HMGA2: variants seen among roughly 807,000 people sequenced by gnomAD.
HMGA2 encodes high mobility group protein HMGI-C.
Under a neutral mutation model 19.1 loss-of-function variants are expected in HMGA2, and 8 were observed. That is an observed-to-expected ratio of 0.42 (90% confidence interval 0.25 to 0.76). The LOEUF is 0.76. HMGA2 is among the 30% of genes least tolerant of loss of function. HMGA2 has a pLI of 0.28. For synonymous variants in HMGA2, 60 were observed against 48.8 expected, an observed-to-expected ratio of 1.23 and a Z score of -0.96; for missense variants, 109 against 136.3, an observed-to-expected ratio of 0.80 and a Z score of 1.00.
intron 3 of HMGA2, among the ~76,000 whole-genome samples, chr12:65,902,813 C>T (rs2121181217): frequency 6.6e-6 from 1 of 152,318 alleles, no homozygotes; most frequent in South Asian, 2.1e-4. Flanking sequence ...AATTGTGAAA[C>T]TCACGGTGTG....
chr12:65,835,074 CAATA>C (rs1870655876), intron 2 of HMGA2, among the ~76,000 whole-genome samples: 2 of 152,104 alleles, frequency 1.3e-5, no homozygotes, highest in African/African-American at 4.8e-5. Flanking sequence ...TTGATGTGAG[CAATA>C]AATAGTGAGA....
chr12:65,846,618 T>C (rs1014665437), intron 3 of HMGA2, among the ~76,000 whole-genome samples: 8 of 152,256 alleles, frequency 5.3e-5, no homozygotes, highest in African/African-American at 1.9e-4. Context: ...CGGAGGCTAC[T>C]GAAACACTTT....
At chr12:65,852,427 C>T (rs532822536) in intron 3 of HMGA2, among the ~76,000 whole-genome samples, 2 of 152,164 alleles carry the variant, frequency 1.3e-5, no homozygotes, top group African/African-American at 4.8e-5. Context: ...CTCTTGAACT[C>T]GGGAGGTGGA....
chr12:65,872,109 T>C (rs924910626), intron 3 of HMGA2, among the ~76,000 whole-genome samples: 2 of 152,156 alleles, frequency 1.3e-5, no homozygotes, highest in African/African-American at 4.8e-5. Flanking sequence ...CGGAGCCTAG[T>C]GTGACTTGGC....
intron 3 of HMGA2, among the ~76,000 whole-genome samples, chr12:65,926,164 G>A (rs919521549): frequency 9.9e-5 from 15 of 152,210 alleles, no homozygotes; most frequent in Non-Finnish European, 1.0e-4. Flanking sequence ...TATTAGGGAA[G>A]CTCGGATTTT....
At chr12:65,934,215 A>C (rs923052272) in intron 3 of HMGA2, among the ~76,000 whole-genome samples, 2 of 152,218 alleles carry the variant, frequency 1.3e-5, no homozygotes, top group Non-Finnish European at 2.9e-5. Context: ...AGTAATTGTG[A>C]ATTTATACAG....
At chr12:65,891,051 A>G (rs1037661089) in intron 3 of HMGA2, among the ~76,000 whole-genome samples, 27 of 152,154 alleles carry the variant, frequency 1.8e-4, no homozygotes, top group Middle Eastern at 3.4e-3. Flanking sequence ...ATATATTCGT[A>G]TATGTGAATT....
At chr12:65,873,010 C>T (rs1872785649) in intron 3 of HMGA2, among the ~76,000 whole-genome samples, 1 of 152,156 alleles carries the variant, frequency 6.6e-6, no homozygotes, top group African/African-American at 2.4e-5. Context: ...ACCTTTACTT[C>T]CATTTGGACC....
chr12:65,905,881 CTAAATA>C (rs1377151587), intron 3 of HMGA2, among the ~76,000 whole-genome samples: 1 of 152,054 alleles, frequency 6.6e-6, no homozygotes, highest in Non-Finnish European at 1.5e-5. Context: ...ATTTTAAAAG[CTAAATA>C]TAGAGTCTCA....
At chr12:65,898,105 G>A (rs1592430363) in intron 3 of HMGA2, among the ~76,000 whole-genome samples, 1 of 152,204 alleles carries the variant, frequency 6.6e-6, no homozygotes, top group East Asian at 1.9e-4. Flanking sequence ...TTTAATATGA[G>A]TTTCAGCCTC....
At chr12:65,953,976 C>A (rs1197840019) in intron 4 of HMGA2, 1 of 152,172 alleles carries the variant, frequency 6.6e-6, no homozygotes, top group Non-Finnish European at 1.5e-5. Flanking sequence ...CATTCAGAAT[C>A]GCTTTTGAGG....
chr12:65,825,146 G>C lies in HMGA2; in HGVS notation c.-125G>C. On this transcript the variant is annotated 5_prime_UTR_variant, in exon 1 of 5. Transcript: ENST00000403681. This position sits in a 1 kb window ranked among gnomAD's most constrained non-coding sequence, Gnocchi z 4.4. ...TAAGCAACAGCAGCCCTCGCAGCCC[G>C]CCAGCTCGCGCTCGCCCCGCCGGCG... 1.3e-6 allele frequency: 1 copy of C among 748,750 alleles called. No individual in the cohort carries two copies. The highest frequency in any genetic ancestry group is 2.0e-6 in the Non-Finnish European group (1 of 493,386). 46.4% of individuals were successfully genotyped at this position (748,750 alleles called of 1,614,324 possible). A position where few individuals can be genotyped will look rare whatever the true frequency, so the allele number is the denominator to read the frequency against.
chr12:65,862,957 C>T (rs759367663), intron 3 of HMGA2, among the ~76,000 whole-genome samples: 8 of 152,206 alleles, frequency 5.3e-5, no homozygotes, highest in Non-Finnish European at 8.8e-5. Context: ...GCTGTCCCAC[C>T]GTCCACACGA....
intron 3 of HMGA2, among the ~76,000 whole-genome samples, chr12:65,921,709 T>C (rs529169516): frequency 3.9e-5 from 6 of 152,146 alleles, no homozygotes; most frequent in Non-Finnish European, 8.8e-5. Flanking sequence ...CCCAAGACCA[T>C]GGGGGAAATG....
At position 65,905,279 on chromosome 12, in the gene HMGA2, A is replaced by G. The variant is rs1023776214; in HGVS notation, c.250-46104A>G. 1.3e-5 allele frequency among the ~76,000 whole-genome samples: 2 copies of G among 152,116 alleles called. 1 individual carries two copies. Among genetic ancestry groups the G allele is most frequent in the Non-Finnish European group, 2.9e-5 (2 of 68,034 alleles). On this transcript the variant is annotated intron_variant, in intron 3 of 4. Coordinates refer to ENST00000403681, the MANE Select transcript of HMGA2 (RefSeq NM_003483.6). ...TTAACAATATTGATATAGTCAGTTA[A>G]ACCAAATGAAATTGCCGTTTTTGTA...
chr12:65,825,445 G>A lies in HMGA2; in HGVS notation c.111+64G>A, dbSNP rs531578430. The A allele has an allele frequency of 6.5e-5, 78 of 1,196,312 alleles. 1 individual carries two copies. In the South Asian group the frequency reaches 1.1e-3, roughly 18 times the overall value. 74.1% of individuals were successfully genotyped at this position (1,196,312 alleles called of 1,614,324 possible). On this transcript the variant is annotated intron_variant, in intron 1 of 4. Coordinates refer to ENST00000403681, the MANE Select transcript of HMGA2 (RefSeq NM_003483.6). The surrounding 1 kb of genome is among the most constrained non-coding windows in gnomAD (Gnocchi z 4.4). ...GTCCCCACTGCCGGGGCCCAGACAC[G>A]CGCGGGGCGGCCGGAGTGCGGGAGC...
intron 3 of HMGA2, among the ~76,000 whole-genome samples, chr12:65,895,828 C>T (rs1013941890): frequency 1.3e-5 from 2 of 152,200 alleles, no homozygotes; most frequent in African/African-American, 2.4e-5. Context: ...GCTCTGAGGA[C>T]AGCTAGTACA....
intron 3 of HMGA2, among the ~76,000 whole-genome samples, chr12:65,855,429 CTCTTTCTCTT>C (rs902500320): frequency 7.7e-6 from 1 of 130,252 alleles, no homozygotes. Context: ...CTCTCTCCCT[CTCTTTCTCTT>C]TCTCTCTCTC....
At chr12:65,895,793 C>T (rs1236151092) in intron 3 of HMGA2, among the ~76,000 whole-genome samples, 2 of 152,180 alleles carry the variant, frequency 1.3e-5, no homozygotes, top group African/African-American at 4.8e-5. Flanking sequence ...GGTGATAGCT[C>T]AGCATATTCT....
Sources: gnomAD v4.1 joint callset for allele counts (sites outside exome capture counted in the v4.1 genomes callset) on GRCh38, gnomAD v4.1.1 for gene constraint, Gnocchi (gnomAD v3.1) non-coding constraint, MANE v1.5 for transcripts, NCBI Gene and HGNC (gene_info 2026-07-23, HGNC 2026-07-21) for gene names.